The following CYFIP1 variants were observed in gnomAD, a reference collection of about 807,000 sequenced individuals.
CYFIP1 encodes the protein cytoplasmic FMR1-interacting protein 1.
Under a neutral mutation model 163.5 loss-of-function variants are expected in CYFIP1, and 58 were observed. The observed-to-expected ratio is 0.35, with a 90% CI of 0.29 to 0.44. The LOEUF (loss-of-function observed/expected upper bound fraction) is 0.44, where lower values mean the gene tolerates loss of function less well. Among genes scored for constraint, CYFIP1 ranks in the 20% least tolerant of loss-of-function variants. The probability of loss-of-function intolerance (pLI) is 1.00; values close to 1 mark genes in which losing one functional copy is unlikely to be tolerated. For synonymous variants in CYFIP1, 663 were observed against 660.7 expected, an observed-to-expected ratio of 1.00 and a Z score of -0.05; for missense variants, 1,338 against 1,653.8, an observed-to-expected ratio of 0.81 and a Z score of 3.31.
chr15:22,899,877 AT>A (rs1159010315), intron 22 of CYFIP1, among the ~76,000 whole-genome samples: 1 of 152,012 alleles, frequency 6.6e-6, no homozygotes, highest in South Asian at 2.1e-4. Context: ...GTGAAACCCC[AT>A]TTCTACTAAA....
chr15:22,913,433 C>T (rs1385658727), intron 17 of CYFIP1, among the ~76,000 whole-genome samples: 1 of 142,308 alleles, frequency 7.0e-6, no homozygotes, highest in East Asian at 2.1e-4. Flanking sequence ...GATGCTGAGG[C>T]CGGAGAATTG....
intron 23 of CYFIP1, among the ~76,000 whole-genome samples, chr15:22,890,682 T>C (rs1190131651): frequency 6.7e-6 from 1 of 148,414 alleles, no homozygotes; most frequent in Non-Finnish European, 1.5e-5. Flanking sequence ...GCCAACAGCC[T>C]CGAGAACACG....
intron 16 of CYFIP1, 37 bp downstream of exon 16, chr15:22,916,440 C>T: frequency 6.7e-7 from 1 of 1,482,048 alleles, no homozygotes; most frequent in East Asian, 2.3e-5. Context: ...GGTGTTAGGA[C>T]ATGCCAGGCC....
rs536944898 is a variant in CYFIP1, at chr15:22,970,778, T to C, written c.-7+9509A>G. Among the ~76,000 whole-genome samples the C allele has an allele frequency of 8.4e-4, 128 of 152,256 alleles. 4 individuals carry two copies. Among genetic ancestry groups the C allele is most frequent in the Non-Finnish European group, 6.2e-4 (42 of 68,028 alleles). On this transcript the variant is annotated intron_variant, in intron 1 of 30. Coordinates refer to ENST00000617928, the MANE Select transcript of CYFIP1 (RefSeq NM_014608.6). ...TGTTGGACCATTACCTTATATAATA[T>C]ACAGAAAAGTTAATTTGGCCTGGCG...
At chr15:22,875,796 G>C (rs751092865) in intron 26 of CYFIP1, among the ~76,000 whole-genome samples, 2 of 150,042 alleles carry the variant, frequency 1.3e-5, no homozygotes, top group Non-Finnish European at 3.0e-5. Flanking sequence ...CCAAAACAAA[G>C]TTCTAGGCCA....
intron 23 of CYFIP1, among the ~76,000 whole-genome samples, chr15:22,891,526 C>A (rs1258106831): frequency 6.6e-6 from 1 of 152,284 alleles, no homozygotes; most frequent in Non-Finnish European, 1.5e-5. Flanking sequence ...AATCTCACAT[C>A]CCCTTCATCA....
chr15:22,944,772 A>G, intron 4 of CYFIP1, 90 bp downstream of exon 4: 1 of 1,522,250 alleles, frequency 6.6e-7, no homozygotes, highest in Non-Finnish European at 9.1e-7. Context: ...CTGGGAGGAG[A>G]GTGGGCCAGG....
rs900796738 is a variant in CYFIP1, at chr15:22,917,081, G to A, written c.1675-451C>T. On this transcript the variant is annotated intron_variant, in intron 15 of 30. Transcript: ENST00000617928. The surrounding 1 kb of genome is among the most constrained non-coding windows in gnomAD (Gnocchi z 4.2). The stretch of plus-strand genomic sequence containing the variant: ...GGCAGGAGAGAGACGTTAGTCACTC[G>A]ACACACACACCCCAGGCAGGGACAC... The A allele has an allele frequency of 3.8e-5, 57 of 1,482,962 alleles. No homozygotes were observed. The East Asian group carries it at 7.9e-4, about 21-fold the overall frequency. The allele number at this position is 1,482,962 out of a possible 1,614,324, so 91.9% of individuals were successfully genotyped here.
chr15:22,948,287 G>T (rs1292294949), intron 1 of CYFIP1, among the ~76,000 whole-genome samples: 1 of 152,140 alleles, frequency 6.6e-6, no homozygotes, highest in African/African-American at 2.4e-5. Context: ...AGCTGCAGGG[G>T]TGTGGATCTG....
chr15:22,918,153 G>T (rs966063264), intron 14 of CYFIP1, among the ~76,000 whole-genome samples: 4 of 152,208 alleles, frequency 2.6e-5, no homozygotes, highest in Non-Finnish European at 5.9e-5. Flanking sequence ...CCAGAAGACT[G>T]CCCTGAGCTC....
chr15:22,867,074 G>A lies in CYFIP1; in HGVS notation c.*2954C>T. The stretch of plus-strand genomic sequence containing the variant: ...CGATTTCTATTAACATTTTATTGTT[G>A]TAGAAGTATTTTACATTTTCATCCC... On this transcript the variant is annotated 3_prime_UTR_variant, in exon 31 of 31. Transcript: ENST00000617928. 2.0e-6 allele frequency: 1 copy of A among 505,988 alleles called. No individual in the cohort carries two copies. The allele number at this position is 505,988 out of a possible 1,614,324, so 31.3% of individuals were successfully genotyped here.
rs751943092 is a variant in CYFIP1, at chr15:22,943,351, T to C, written c.391A>G (p.Asn131Asp). 6 of 1,613,864 alleles carry C rather than the reference T, an allele frequency of 3.7e-6. No individual in the cohort carries two copies. The highest frequency in any genetic ancestry group is 5.1e-6 in the Non-Finnish European group (6 of 1,179,990). ...TCCCCGCAGAAACGCTCAATGGCAT[T>C]TCTCTGTGCAGAGGAAGCAGGAGGG... ...KLMNFMYFQRNAIERFCGEVR... is the reference protein window; with the variant it reads ...KLMNFMYFQRDAIERFCGEVR... Residue 131 changes from asparagine (N) to aspartate (D), a missense_variant, in exon 6 of 31, where the codon AAT becomes GAT. Transcript: ENST00000617928.
chr15:22,946,015 A>C (rs2062046844), intron 3 of CYFIP1, among the ~76,000 whole-genome samples: 1 of 152,174 alleles, frequency 6.6e-6, no homozygotes, highest in South Asian at 2.1e-4. Flanking sequence ...TGGCATGAAA[A>C]TATTCTTGTC....
chr15:22,905,755 G>GTT (rs11418194), intron 21 of CYFIP1, among the ~76,000 whole-genome samples: 120 of 146,158 alleles, frequency 8.2e-4, no homozygotes, highest in South Asian at 1.7e-3. Flanking sequence ...TCTTATTTCT[G>GTT]TTTTTTTTTT....
chr15:22,914,463 G>A (rs1169559983), intron 17 of CYFIP1, among the ~76,000 whole-genome samples: 2 of 149,640 alleles, frequency 1.3e-5, no homozygotes, highest in African/African-American at 4.9e-5. Flanking sequence ...GTCTTGCTAC[G>A]TGGCCAGGCT....
chr15:22,945,199 T>TA (rs1358086534), intron 3 of CYFIP1, among the ~76,000 whole-genome samples: 1 of 152,136 alleles, frequency 6.6e-6, no homozygotes. Flanking sequence ...CCACAGGCGT[T>TA]ACACCTTGGC....
intron 1 of CYFIP1, among the ~76,000 whole-genome samples, chr15:22,948,282 C>G (rs898278209): frequency 6.6e-6 from 1 of 152,144 alleles, no homozygotes; most frequent in African/African-American, 2.4e-5. Flanking sequence ...CCTCAAGCTG[C>G]AGGGGTGTGG....
At chr15:22,944,815 G>T (rs780707683) in intron 4 of CYFIP1, 47 bp downstream of exon 4, 1 of 1,589,804 alleles carries the variant, frequency 6.3e-7, no homozygotes, top group South Asian at 1.1e-5. Flanking sequence ...TGTGGCAGGG[G>T]CCTGGCAGGG....
Position 22,873,713 on chromosome 15 carries a change from C to T in CYFIP1, c.3227G>A (p.Arg1076Lys). The change falls in exon 29 of 31, where the codon AGA (arginine) becomes AAA (lysine). Residue 1076 changes from arginine (R) to lysine (K), a missense_variant. Physicochemically the swap from Arg to Lys is conservative, Grantham distance 26. Around this residue, in one of 4 missense-constraint regions of CYFIP1, gnomAD observed 306 missense variants for 322.1 expected, o/e 0.95. Transcript: ENST00000617928. The stretch of plus-strand genomic sequence containing the variant: ...CTCCTTTGTCAGCAGGTCCCCCTCT[C>T]TTGCGATGGCAATTTGCTGCAGAAA... ...LGTPQQIAIAREGDLLTKERL... is the reference protein window; with the variant it reads ...LGTPQQIAIAKEGDLLTKERL... 1 of 1,612,554 alleles carries T rather than the reference C, an allele frequency of 6.2e-7. No homozygotes were observed. Among genetic ancestry groups the T allele is most frequent in the Non-Finnish European group, 8.5e-7 (1 of 1,178,696 alleles).
Sources: gnomAD v4.1 joint callset for allele counts (sites outside exome capture counted in the v4.1 genomes callset) on GRCh38, gnomAD v4.1.1 for gene constraint, gnomAD v4.1.1 regional missense constraint, Gnocchi (gnomAD v3.1) non-coding constraint, MANE v1.5 for transcripts, NCBI Gene and HGNC (gene_info 2026-07-23, HGNC 2026-07-21) for gene names.